Variants in PPFIA3 observed in about 807,000 individuals in gnomAD.
The protein encoded by PPFIA3 is liprin-alpha-3.
Under a neutral mutation model 145.8 loss-of-function variants are expected in PPFIA3, and 26 were observed. The ratio of observed to expected loss-of-function variants is 0.18; its 90% confidence interval spans 0.13 to 0.25. The LOEUF is 0.25. Among genes scored for constraint, PPFIA3 ranks in the 10% least tolerant of loss-of-function variants. The pLI, the probability that PPFIA3 is intolerant of heterozygous loss-of-function variation, is 1.00. For synonymous variants in PPFIA3, 645 were observed against 661.4 expected, an observed-to-expected ratio of 0.98 and a Z score of 0.38; for missense variants, 1,008 against 1,587.8, an observed-to-expected ratio of 0.63 and a Z score of 6.21.
At chr19:49,140,847 G>C (rs906489926) in intron 18 of PPFIA3, among the ~76,000 whole-genome samples, 1 of 151,362 alleles carries the variant, frequency 6.6e-6, no homozygotes, top group Non-Finnish European at 1.5e-5. Flanking sequence ...GTAGAGATGG[G>C]GTTTCACCGT....
At chr19:49,136,953 G>C in intron 15 of PPFIA3, 42 bp downstream of exon 15, 1 of 1,451,430 alleles carries the variant, frequency 6.9e-7, no homozygotes, top group Non-Finnish European at 9.2e-7. Flanking sequence ...CCCTGCCGGA[G>C]CTGACTCCAC....
At position 49,149,826 on chromosome 19, in the gene PPFIA3, C is replaced by G. The variant is rs2041324303; in HGVS notation, c.3526+108C>G. The G allele has an allele frequency of 7.3e-7, 1 of 1,360,594 alleles. No individual in the cohort carries two copies. The highest frequency in any genetic ancestry group is 2.4e-5 in the Admixed American group (1 of 40,922). 84.3% of individuals were successfully genotyped at this position (1,360,594 alleles called of 1,614,324 possible). On this transcript the variant is annotated intron_variant, in intron 28 of 29. Transcript: ENST00000334186. The surrounding 1 kb of genome is among the most constrained non-coding windows in gnomAD (Gnocchi z 5.7). Reference sequence around the variant, plus strand: ...TGGCCTAGTCCTTTCTCGCCCACCCCTGAGGAATGGACTGCTCCAACGTTC... The same window carrying G: ...TGGCCTAGTCCTTTCTCGCCCACCCGTGAGGAATGGACTGCTCCAACGTTC...
chr19:49,145,896 C>A (rs1369441706), intron 21 of PPFIA3, 47 bp from the exon 22 acceptor site: 27 of 1,565,938 alleles, frequency 1.7e-5, no homozygotes, highest in Non-Finnish European at 2.2e-5. Flanking sequence ...TCCTCTCCCC[C>A]ACGCGAAGCC....
chr19:49,125,944 T>TTTG (rs1555742323), intron 1 of PPFIA3, among the ~76,000 whole-genome samples: 95 of 146,056 alleles, frequency 6.5e-4, no homozygotes, highest in African/African-American at 2.3e-3. Flanking sequence ...TTTTTTTTTG[T>TTTG]TTGTTTGTTT....
rs2041139864 is a variant in PPFIA3 at position 49,136,581 on chromosome 19, G to GA, written c.1666-137dup. ...GCGACAGAATGAGACTCTGTCTCAA[G>GA]AAAAAATAAATAAAATAAAAAAAAT... On this transcript the variant is annotated intron_variant, in intron 14 of 29. Coordinates refer to ENST00000334186, the MANE Select transcript of PPFIA3 (RefSeq NM_003660.4). The GA allele has an allele frequency of 6.0e-5, 34 of 563,268 alleles. No individual in the cohort carries two copies. In the East Asian group the frequency reaches 1.0e-3, roughly 17 times the overall value. 34.9% of individuals were successfully genotyped at this position (563,268 alleles called of 1,614,324 possible).
Position 49,136,615 on chromosome 19 carries a change from G to T in PPFIA3, c.1666-109G>T, listed in dbSNP as rs1322857362. The stretch of plus-strand genomic sequence containing the variant: ...AATAAAATAAAAAAAATAAAGCTGG[G>T]CTGGGAAAAGCATCAGTGAGGTCGG... On this transcript the variant is annotated intron_variant, in intron 14 of 29. Transcript: ENST00000334186. The T allele has an allele frequency of 2.7e-5, 17 of 633,700 alleles. No homozygotes were observed. In the East Asian group the frequency reaches 5.3e-4, roughly 20 times the overall value. 39.3% of individuals were successfully genotyped at this position (633,700 alleles called of 1,614,324 possible).
chr19:49,134,205 G>A, intron 11 of PPFIA3, 40 bp downstream of exon 11: 2 of 1,558,268 alleles, frequency 1.3e-6, no homozygotes, highest in Non-Finnish European at 1.7e-6. Context: ...CGGAATTCCG[G>A]GACTACCTCT....
At chr19:49,146,485 T>G in intron 23 of PPFIA3, 3 of 487,998 alleles carry the variant, frequency 6.1e-6, no homozygotes, top group South Asian at 2.6e-5. Context: ...CAGGAGAGAC[T>G]GAGCAGCCGG....
chr19:49,148,048 G>A (rs772201914), intron 23 of PPFIA3, 35 bp from the exon 24 acceptor site: 113 of 1,589,870 alleles, frequency 7.1e-5, no homozygotes, highest in Non-Finnish European at 9.3e-5. Flanking sequence ...GGGGCCAGAG[G>A]GCCTGACTCT....
chr19:49,124,147 C>CT (rs1325058847), intron 1 of PPFIA3, among the ~76,000 whole-genome samples: 1 of 150,468 alleles, frequency 6.6e-6, no homozygotes, highest in Non-Finnish European at 1.5e-5. Flanking sequence ...CTGCTATATT[C>CT]TTTTTTAAAA....
intron 7 of PPFIA3, 41 bp from the exon 8 acceptor site, chr19:49,132,960 C>G (rs572832669): frequency 1.8e-5 from 28 of 1,592,512 alleles, no homozygotes; most frequent in Non-Finnish European, 2.4e-5. Context: ...TCCTCTCCCC[C>G]AGGGGCTCGC....
Position 49,135,861 on chromosome 19 carries a change from G to C in PPFIA3, c.1603G>C (p.Ala535Pro). The C allele has an allele frequency of 6.2e-7, 1 of 1,613,878 alleles. No individual in the cohort carries two copies. Among genetic ancestry groups the C allele is most frequent in the Non-Finnish European group, 8.5e-7 (1 of 1,179,920 alleles). Residue 535 changes from alanine (A) to proline (P), a missense_variant, in exon 14 of 30, where the codon GCT becomes CCT. Physicochemically the swap from Ala to Pro is conservative, Grantham distance 27. Transcript: ENST00000334186. The part of the protein sequence containing the change: ...PSGAHLDPYV[A>P]GSGRAGKRGR... ...TGGTGCCCACCTGGATCCCTATGTG[G>C]CTGGCAGTGGTCGGGCAGGCAAGAG...
At position 49,120,484 on chromosome 19, in the gene PPFIA3, C is replaced by T. The variant is rs2040923702; in HGVS notation, c.-16+762C>T. 6.6e-6 allele frequency among the ~76,000 whole-genome samples: 1 copy of T among 152,132 alleles called. No individual in the cohort carries two copies. The highest frequency in any genetic ancestry group is 1.5e-5 in the Non-Finnish European group (1 of 67,994). On this transcript the variant is annotated intron_variant, in intron 1 of 29. Coordinates refer to ENST00000334186, the MANE Select transcript of PPFIA3 (RefSeq NM_003660.4). This position sits in a 1 kb window ranked among gnomAD's most constrained non-coding sequence, Gnocchi z 4.6. ...CCATGGCACCCGGGGATGCAGCTCC[C>T]ACCCCGTTCGGGAAGCCTGTCCGTG...
intron 15 of PPFIA3, chr19:49,137,298 C>T (rs1408623099): frequency 5.9e-6 from 1 of 170,082 alleles, no homozygotes; most frequent in African/African-American, 2.4e-5. Flanking sequence ...CCTCAAACAC[C>T]AAGAATCTCA....
At chr19:49,147,686 A>AAGAG (rs143496485) in intron 23 of PPFIA3, among the ~76,000 whole-genome samples, 20,336 of 145,596 alleles carry the variant, frequency 0.14, 1,477 homozygotes, top group Admixed American at 0.2. Flanking sequence ...CTCTTTCAGA[A>AAGAG]AGAGAGAGAG....
At chr19:49,141,561 A>G (rs1414474677) in intron 19 of PPFIA3, 48 bp downstream of exon 19, 1 of 1,491,642 alleles carries the variant, frequency 6.7e-7, no homozygotes. Flanking sequence ...TGAATGTGAG[A>G]GTGTGTGAGG....
At chr19:49,140,523 G>T (rs1810892551) in intron 18 of PPFIA3, among the ~76,000 whole-genome samples, 1 of 146,484 alleles carries the variant, frequency 6.8e-6, no homozygotes. Context: ...TAATTTTTTT[G>T]TATTTTTAGT....
chr19:49,138,295 C>A lies in PPFIA3; in HGVS notation c.1944C>A (p.Arg648=). 1 of 1,613,566 alleles carries A rather than the reference C, an allele frequency of 6.2e-7. No individual in the cohort carries two copies. The highest frequency in any genetic ancestry group is 8.5e-7 in the Non-Finnish European group (1 of 1,179,800). The change falls in exon 16 of 30, where the codon CGC becomes CGA. Residue 648 remains arginine, a synonymous_variant. Transcript: ENST00000334186. ...GCTCTGGCTTGGACTCGTTGGGCCG[C>A]TACCGCAGCAGCTGCTCCCTGCCCC... ...VSSSGLDSLG[R]YRSSCSLPPS...
In PPFIA3 at chr19:49,149,748, C is replaced by A; in HGVS notation, c.3526+30C>A. On this transcript the variant is annotated intron_variant, in intron 28 of 29. Transcript: ENST00000334186. The surrounding 1 kb of genome is among the most constrained non-coding windows in gnomAD (Gnocchi z 5.7). ...GGGGCTCCCAAATGCGACAGCCCTT[C>A]CTCGCTTCCCTAGGGTGGGGCATGG... The A allele has an allele frequency of 1.3e-6, 2 of 1,577,212 alleles. No individual in the cohort carries two copies. Among genetic ancestry groups the A allele is most frequent in the Non-Finnish European group, 1.7e-6 (2 of 1,163,956 alleles).
Sources: gnomAD v4.1 joint callset for allele counts (sites outside exome capture counted in the v4.1 genomes callset) on GRCh38, gnomAD v4.1.1 for gene constraint, Gnocchi (gnomAD v3.1) non-coding constraint, MANE v1.5 for transcripts, NCBI Gene and HGNC (gene_info 2026-07-23, HGNC 2026-07-21) for gene names.